Variants in GABRG2 observed in about 807,000 individuals in gnomAD.
GABRG2 encodes the protein gamma-aminobutyric acid type A receptor subunit gamma2.
GABRG2 carries 16 observed loss-of-function variants against 56.4 expected under a neutral mutation model. That is an observed-to-expected ratio of 0.28 (90% confidence interval 0.19 to 0.43). The LOEUF is 0.43. Among genes scored for constraint, GABRG2 ranks in the 20% least tolerant of loss-of-function variants. The pLI is 1.00. For missense variants in GABRG2, 327 were observed against 582.7 expected (o/e 0.56, Z 4.52); for synonymous variants, 208 against 205.5 (o/e 1.01, Z -0.10).
intron 4 of GABRG2, chr5:162,099,251 AC>A (rs1761229832): frequency 6.6e-6 from 1 of 151,918 alleles, no homozygotes; most frequent in African/African-American, 2.4e-5. Flanking sequence ...TATAGTAATG[AC>A]TGAGTTTATT....
At chr5:162,153,002 T>G in intron 9 of GABRG2, 91 bp from the exon 10 acceptor site, 1 of 1,457,030 alleles carries the variant, frequency 6.9e-7, no homozygotes, top group Non-Finnish European at 9.6e-7. Context: ...ATTTTCAGAT[T>G]CATCATCACA....
chr5:162,083,677 A>G (rs886222851), intron 1 of GABRG2: 4 of 154,834 alleles, frequency 2.6e-5, no homozygotes, highest in African/African-American at 9.6e-5. Context: ...TTTTTTTCCT[A>G]GCTGTTCAGG....
intron 6 of GABRG2, among the ~76,000 whole-genome samples, chr5:162,124,959 T>C (rs1423203220): frequency 3.2e-5 from 1 of 31,682 alleles, no homozygotes; most frequent in Non-Finnish European, 4.9e-5. Flanking sequence ...TATAAAGAGA[T>C]GTGTGTGTGT....
chr5:162,140,473 C>A (rs1480247526), intron 6 of GABRG2, among the ~76,000 whole-genome samples: 1 of 152,142 alleles, frequency 6.6e-6, no homozygotes, highest in Non-Finnish European at 1.5e-5. Flanking sequence ...GAAAGAAAAA[C>A]TAGACTGAGT....
At chr5:162,101,554 C>T (rs1761417913) in intron 5 of GABRG2, 1 of 515,764 alleles carries the variant, frequency 1.9e-6, no homozygotes, top group South Asian at 2.1e-5. Context: ...GAGTTGCAAA[C>T]TTTTAATATA....
Position 162,153,082 on chromosome 5 carries a change from C to A in GABRG2, c.1153-11C>A. 2 of 1,613,906 alleles carry A rather than the reference C, an allele frequency of 1.2e-6. No individual in the cohort carries two copies. Among genetic ancestry groups the A allele is most frequent in the Non-Finnish European group, 1.7e-6 (2 of 1,179,882 alleles). ...CTAACTGATCCCTCTCCTTCCCTAC[C>A]CTCGTCCCAGGCCCCTACCATTGAT... On this transcript the variant is annotated splice_polypyrimidine_tract_variant and intron_variant, in intron 9 of 9. Transcript: ENST00000639213.
intron 1 of GABRG2, among the ~76,000 whole-genome samples, chr5:162,085,499 T>G (rs1760004859): frequency 6.6e-6 from 1 of 151,928 alleles, no homozygotes; most frequent in Admixed American, 6.6e-5. Flanking sequence ...ACTTTAGGAT[T>G]TGTTCTTGTG....
rs1451935196 is a variant in GABRG2 at position 162,112,413 on chromosome 5, T to TC, written c.769+8387_769+8388insC. Among the ~76,000 whole-genome samples, 11 of 152,224 alleles carry TC rather than the reference T, an allele frequency of 7.2e-5. No individual in the cohort carries two copies. The East Asian group carries it at 2.1e-3, about 29-fold the overall frequency. On this transcript the variant is annotated intron_variant, in intron 6 of 9. Transcript: ENST00000639213. ...CCCAAAATAAATTTGAAAGACATTT[T>TC]TTTTTTGAAAATGCAAAAATGTGAG...
intron 4 of GABRG2, chr5:162,098,235 T>G (rs1761146215): frequency 3.9e-6 from 1 of 256,118 alleles, no homozygotes; most frequent in African/African-American, 2.3e-5. Flanking sequence ...ATTTTTGAGG[T>G]GTATGTCTCC....
At chr5:162,076,784 A>G (rs551328278) in intron 1 of GABRG2, among the ~76,000 whole-genome samples, 13 of 152,160 alleles carry the variant, frequency 8.5e-5, no homozygotes, top group African/African-American at 3.1e-4. Flanking sequence ...CTAAGCTGGT[A>G]TTTTGCTATT....
intron 1 of GABRG2, 103 bp downstream of exon 1, chr5:162,068,209 G>T: frequency 2.6e-6 from 2 of 777,844 alleles, no homozygotes; most frequent in South Asian, 1.4e-5. Flanking sequence ...CACTCTCCTA[G>T]GATGTGCGGC....
chr5:162,076,265 CTTATTG>C (rs950152369), intron 1 of GABRG2, among the ~76,000 whole-genome samples: 3 of 152,058 alleles, frequency 2.0e-5, no homozygotes, highest in Non-Finnish European at 2.9e-5. Flanking sequence ...TTTTGTTACT[CTTATTG>C]TTATTGTTTA....
chr5:162,116,124 G>C (rs1030397003), intron 6 of GABRG2, among the ~76,000 whole-genome samples: 1 of 151,220 alleles, frequency 6.6e-6, no homozygotes, highest in Non-Finnish European at 1.5e-5. Context: ...GTGTGTGTGT[G>C]TGTGTGTGTG....
chr5:162,146,786 A>T (rs1764979710), intron 7 of GABRG2, among the ~76,000 whole-genome samples: 1 of 152,218 alleles, frequency 6.6e-6, no homozygotes, highest in South Asian at 2.1e-4. Context: ...TCCCTTGATC[A>T]TCTCTTTCCT....
At chr5:162,111,598 T>C (rs1317720613) in intron 6 of GABRG2, among the ~76,000 whole-genome samples, 1 of 152,158 alleles carries the variant, frequency 6.6e-6, no homozygotes, top group East Asian at 1.9e-4. Context: ...GGACAATGGA[T>C]TTTATGACTT....
At chr5:162,151,921 C>A (rs1765402675) in intron 9 of GABRG2, 168 bp downstream of exon 9, 6 of 579,322 alleles carry the variant, frequency 1.0e-5, no homozygotes, top group Non-Finnish European at 6.0e-6. Context: ...AGCAACTATA[C>A]ACTAATTCAC....
At chr5:162,097,125 T>C (rs946171930) in intron 3 of GABRG2, among the ~76,000 whole-genome samples, 2 of 152,150 alleles carry the variant, frequency 1.3e-5, no homozygotes, top group African/African-American at 4.8e-5. Context: ...TTCTGTACTT[T>C]GTTTCACTCT....
At chr5:162,078,397 A>ATATATT (rs1371312030) in intron 1 of GABRG2, among the ~76,000 whole-genome samples, 22 of 30,690 alleles carry the variant, frequency 7.2e-4, no homozygotes, top group African/African-American at 3.1e-3. Context: ...ATATATATAT[A>ATATATT]TTTTTTTTTT....
At chr5:162,118,805 G>A (rs1001667624) in intron 6 of GABRG2, among the ~76,000 whole-genome samples, 1 of 152,052 alleles carries the variant, frequency 6.6e-6, no homozygotes, top group Admixed American at 6.6e-5. Flanking sequence ...TTATTAAAGC[G>A]ACACAAAAGG....
Sources: allele counts gnomAD v4.1 joint callset (sites outside exome capture counted in the v4.1 genomes callset), GRCh38; gene constraint gnomAD v4.1.1; transcripts MANE v1.5; gene names NCBI Gene and HGNC (gene_info 2026-07-23, HGNC 2026-07-21).